SLC6A9: variants seen among roughly 807,000 people sequenced by gnomAD.
The protein encoded by SLC6A9 is solute carrier family 6 member 9.
A neutral mutation model predicts 70.9 loss-of-function variants in SLC6A9; 31 were observed. The observed-to-expected ratio is 0.44, with a 90% CI of 0.33 to 0.59. The LOEUF (loss-of-function observed/expected upper bound fraction) is 0.59, where lower values mean the gene tolerates loss of function less well. SLC6A9 is among the 20% of genes least tolerant of loss of function. SLC6A9 has a pLI of 0.04. For synonymous variants in SLC6A9, 310 were observed against 341.3 expected, an observed-to-expected ratio of 0.91 and a Z score of 1.01; for missense variants, 631 against 845.2, an observed-to-expected ratio of 0.75 and a Z score of 3.14.
chr1:44,011,626 G>A, intron 2 of SLC6A9: 2 of 1,614,054 alleles, frequency 1.2e-6, no homozygotes, highest in Non-Finnish European at 1.7e-6. Context: ...TAGGCCCCAT[G>A]CCAGACTTTG....
chr1:44,006,966 G>A (rs2154305308), intron 5 of SLC6A9, among the ~76,000 whole-genome samples: 1 of 152,302 alleles, frequency 6.6e-6, no homozygotes, highest in East Asian at 1.9e-4. Flanking sequence ...CACATGTGGA[G>A]AAAAGCCTCA....
intron 2 of SLC6A9, chr1:44,017,009 A>G: frequency 1.3e-6 from 2 of 1,560,550 alleles, no homozygotes; most frequent in Non-Finnish European, 1.7e-6. Context: ...CCTGCCTGGC[A>G]CCAAGGAGGG....
At chr1:44,030,419 C>T (rs2087084353) in intron 1 of SLC6A9, 1 of 152,466 alleles carries the variant, frequency 6.6e-6, no homozygotes, top group African/African-American at 2.4e-5. Flanking sequence ...GCCCCACTCT[C>T]CCGCCCGGCC....
Position 44,013,895 on chromosome 1 carries a change from T to C in SLC6A9, c.31-3013A>G, listed in dbSNP as rs2086655983. On this transcript the variant is annotated intron_variant, in intron 2 of 13. Transcript: ENST00000372310. This position sits in a 1 kb window ranked among gnomAD's most constrained non-coding sequence, Gnocchi z 5.3. ...TTTTTCAATACTGTATGGCTTTTTT[T>C]CTCCCTCCTTGCATAATCTTTCCTA... Among the ~76,000 whole-genome samples, 1 of 152,142 alleles carries C rather than the reference T, an allele frequency of 6.6e-6. No individual in the cohort carries two copies. The highest frequency in any genetic ancestry group is 1.5e-5 in the Non-Finnish European group (1 of 68,024).
intron 2 of SLC6A9, chr1:44,017,280 A>G: frequency 6.8e-7 from 1 of 1,471,134 alleles, no homozygotes; most frequent in South Asian, 1.3e-5. Context: ...GCCAGTCCCC[A>G]TGCAGCCCAG....
intron 2 of SLC6A9, among the ~76,000 whole-genome samples, 170 bp downstream of exon 2, chr1:44,024,078 T>C (rs1362246562): frequency 6.6e-6 from 1 of 152,168 alleles, no homozygotes; most frequent in Non-Finnish European, 1.5e-5. Context: ...TGGAGCCTGA[T>C]GCTCTCTGAC....
rs1033813475 is a variant in SLC6A9 at position 44,023,894 on chromosome 1, G to C, written c.30+354C>G. Among the ~76,000 whole-genome samples, 7 of 152,216 alleles carry C rather than the reference G, an allele frequency of 4.6e-5. No homozygotes were observed. The South Asian group carries it at 6.2e-4, about 14-fold the overall frequency. On this transcript the variant is annotated intron_variant, in intron 2 of 13. Coordinates refer to ENST00000372310, the MANE Select transcript of SLC6A9 (RefSeq NM_001024845.3). ...GACCCAAAGAAGTGGAGAAAAACCA[G>C]GCAGGGTCTGAGGGAGGACCCCTTG... is the stretch of plus-strand genomic sequence containing the variant.
At chr1:44,024,929 T>G (rs927390149) in intron 1 of SLC6A9, among the ~76,000 whole-genome samples, 3 of 152,186 alleles carry the variant, frequency 2.0e-5, no homozygotes, top group Admixed American at 2.0e-4. Context: ...CCAGGTGAAA[T>G]TCTACAAATC....
chr1:44,007,954 G>A lies in SLC6A9; in HGVS notation c.590+399C>T, dbSNP rs543495023. Among the ~76,000 whole-genome samples the A allele has an allele frequency of 8.7e-5, 13 of 148,886 alleles. No homozygotes were observed. In the South Asian group the frequency reaches 1.3e-3, roughly 15 times the overall value. ...CGCCCAGGCTGAAGTGCAGTGGCGC[G>A]ATCTCAGCTCATTGCAAGCTCTGCC... On this transcript the variant is annotated intron_variant, in intron 5 of 13. Transcript: ENST00000372310.
At chr1:44,016,749 G>A (rs1023298509) in intron 2 of SLC6A9, among the ~76,000 whole-genome samples, 7 of 152,094 alleles carry the variant, frequency 4.6e-5, no homozygotes, top group Non-Finnish European at 1.0e-4. Context: ...CCGTCTCCCC[G>A]GGAGCTAGGA....
chr1:44,009,889 T>A, intron 4 of SLC6A9, 76 bp downstream of exon 4: 1 of 1,544,386 alleles, frequency 6.5e-7, no homozygotes, highest in South Asian at 1.2e-5. Flanking sequence ...TTTGTACAGA[T>A]GGGCGAGTTG....
chr1:44,024,852 G>T (rs1011181720), intron 1 of SLC6A9, among the ~76,000 whole-genome samples: 1 of 152,160 alleles, frequency 6.6e-6, no homozygotes, highest in East Asian at 1.9e-4. Context: ...CGAGTTCTGG[G>T]CCTGCCACAC....
Position 44,018,844 on chromosome 1 carries a change from T to G in SLC6A9, c.30+5404A>C, listed in dbSNP as rs2086828007. On this transcript the variant is annotated intron_variant, in intron 2 of 13. Transcript: ENST00000372310. This position sits in a 1 kb window ranked among gnomAD's most constrained non-coding sequence, Gnocchi z 4.2. ...ACTCAGGAGACTGAGGAGGGAGTTT[T>G]GCTTGAGCCCAGACGTTGGAAGTTG... 6.6e-6 allele frequency among the ~76,000 whole-genome samples: 1 copy of G among 152,048 alleles called. No individual in the cohort carries two copies. Among genetic ancestry groups the G allele is most frequent in the African/African-American group, 2.4e-5 (1 of 41,418 alleles).
chr1:44,010,367 A>G, intron 3 of SLC6A9: 4 of 445,472 alleles, frequency 9.0e-6, no homozygotes, highest in Non-Finnish European at 1.6e-5. Flanking sequence ...AAGCGATTTC[A>G]CAAGCATAAG....
chr1:44,002,225 C>T lies in SLC6A9; in HGVS notation c.962+88G>A. ...TCAAGATCATGAGGGGAAAGGAGGC[C>T]TCGTGGGCCCATGGCTGCACTGGAG... is the stretch of plus-strand genomic sequence containing the variant. On this transcript the variant is annotated intron_variant, in intron 8 of 13. Transcript: ENST00000372310. This position sits in a 1 kb window ranked among gnomAD's most constrained non-coding sequence, Gnocchi z 5.5. 1 of 900,050 alleles carries T rather than the reference C, an allele frequency of 1.1e-6. No homozygotes were observed. Among genetic ancestry groups the T allele is most frequent in the South Asian group, 1.4e-5 (1 of 73,928 alleles). 55.8% of individuals were successfully genotyped at this position (900,050 alleles called of 1,614,324 possible). A position where few individuals can be genotyped will look rare whatever the true frequency, so the allele number is the denominator to read the frequency against.
In SLC6A9 at chr1:44,008,870, CCA is replaced by C. The variant is rs572623586; in HGVS notation, c.320-249_320-248del. Among the ~76,000 whole-genome samples, 372 of 151,900 alleles carry C rather than the reference CCA, an allele frequency of 2.4e-3. 1 individual carries two copies. Among genetic ancestry groups the C allele is most frequent in the African/African-American group, 8.8e-3 (366 of 41,460 alleles). On this transcript the variant is annotated intron_variant, in intron 4 of 13. Coordinates refer to ENST00000372310, the MANE Select transcript of SLC6A9 (RefSeq NM_001024845.3). ...GAGTAGCTGGGACTACAGGCGCCCA[CCA>C]CCACGCCTGGCTAATTTTTTTGTAT...
intron 2 of SLC6A9, among the ~76,000 whole-genome samples, chr1:44,016,025 T>C (rs546029465): frequency 5.9e-5 from 9 of 152,336 alleles, no homozygotes; most frequent in African/African-American, 2.2e-4. Flanking sequence ...TGCTTATCCA[T>C]TGCAGAGCCC....
At chr1:44,001,814 A>C (rs995715490) in intron 8 of SLC6A9, among the ~76,000 whole-genome samples, 187 bp from the exon 9 acceptor site, 1 of 151,880 alleles carries the variant, frequency 6.6e-6, no homozygotes, top group African/African-American at 2.4e-5. Context: ...TGTAGCCTTG[A>C]CCTCTTGGTC....
chr1:44,010,256 C>T, intron 3 of SLC6A9, 160 bp from the exon 4 acceptor site: 2 of 653,656 alleles, frequency 3.1e-6, no homozygotes, highest in Non-Finnish European at 2.6e-6. Flanking sequence ...ACACCACCCC[C>T]AGCCTGTCTT....
Sources: allele counts gnomAD v4.1 joint callset (sites outside exome capture counted in the v4.1 genomes callset), GRCh38; gene constraint gnomAD v4.1.1; non-coding constraint Gnocchi (gnomAD v3.1); transcripts MANE v1.5; gene names NCBI Gene and HGNC (gene_info 2026-07-23, HGNC 2026-07-21).